Variants in CYB5R4 observed in about 807,000 individuals in gnomAD.
CYB5R4 encodes cytochrome b5 reductase 4.
A neutral mutation model predicts 70.2 loss-of-function variants in CYB5R4; 55 were observed. The ratio of observed to expected loss-of-function variants is 0.78; its 90% CI spans 0.63 to 0.98. The LOEUF (loss-of-function observed/expected upper bound fraction) is 0.98, where lower values mean the gene tolerates loss of function less well. Among genes scored for constraint, CYB5R4 ranks in the 50% least tolerant of loss-of-function variants. CYB5R4 has a pLI of 0.00. For missense variants in CYB5R4, 562 were observed against 612.6 expected (o/e 0.92, Z 0.87); for synonymous variants, 197 against 199.5 (o/e 0.99, Z 0.11).
At chr6:83,864,564 C>T (rs750428662) in intron 2 of CYB5R4, among the ~76,000 whole-genome samples, 2 of 152,076 alleles carry the variant, frequency 1.3e-5, no homozygotes, top group Non-Finnish European at 2.9e-5. Flanking sequence ...TTCTTGCTTC[C>T]TTGTACTGCA....
chr6:83,884,795 A>G (rs9444106), intron 2 of CYB5R4, among the ~76,000 whole-genome samples: 3,075 of 152,282 alleles, frequency 0.02, 94 homozygotes, highest in African/African-American at 0.07. Flanking sequence ...CAAGAATGCT[A>G]CAGTATACTG....
intron 2 of CYB5R4, 38 bp downstream of exon 2, chr6:83,864,366 C>T (rs1282630718): frequency 8.9e-6 from 14 of 1,564,700 alleles, no homozygotes; most frequent in Non-Finnish European, 1.2e-5. Flanking sequence ...AAAATGTTGC[C>T]TGAACTTTCC....
intron 1 of CYB5R4, among the ~76,000 whole-genome samples, chr6:83,863,858 TTA>T (rs1420814091): frequency 1.3e-5 from 2 of 152,214 alleles, no homozygotes; most frequent in African/African-American, 2.4e-5. Context: ...TGTTCATAGG[TTA>T]TATGTCAGTA....
intron 1 of CYB5R4, among the ~76,000 whole-genome samples, chr6:83,861,843 A>G (rs1273323313): frequency 6.6e-6 from 1 of 152,234 alleles, no homozygotes; most frequent in African/African-American, 2.4e-5. Flanking sequence ...GTTTAATATT[A>G]GAAGTATTTT....
At chr6:83,871,709 C>T (rs1294173813) in intron 2 of CYB5R4, among the ~76,000 whole-genome samples, 2 of 151,920 alleles carry the variant, frequency 1.3e-5, no homozygotes, top group African/African-American at 4.8e-5. Context: ...ACTTTTGTGT[C>T]AGTTTTAGTT....
chr6:83,921,915 T>C (rs1273844241), intron 8 of CYB5R4, among the ~76,000 whole-genome samples: 1 of 152,236 alleles, frequency 6.6e-6, no homozygotes, highest in Non-Finnish European at 1.5e-5. Context: ...AATGTTTCTG[T>C]CTTATTAACT....
intron 14 of CYB5R4, among the ~76,000 whole-genome samples, chr6:83,947,931 AT>A (rs966914130): frequency 7.9e-5 from 12 of 152,326 alleles, no homozygotes; most frequent in Admixed American, 4.6e-4. Context: ...AGGAGTGCAA[AT>A]TAGTTCAACC....
intron 2 of CYB5R4, among the ~76,000 whole-genome samples, chr6:83,889,469 G>A (rs2324480): frequency 0.15 from 23,456 of 152,032 alleles, 3,536 homozygotes; most frequent in African/African-American, 0.38. Context: ...TCTATAAATG[G>A]GACAACAAAG....
At chr6:83,908,988 A>G (rs2099464265) in intron 3 of CYB5R4, 21 bp from the exon 4 acceptor site, 2 of 1,606,464 alleles carry the variant, frequency 1.2e-6, no homozygotes, top group African/African-American at 1.3e-5. Context: ...TTGCTTTTCC[A>G]TCATTTGTTT....
Position 83,959,887 on chromosome 6 carries a change from T to A in CYB5R4, c.*9T>A, listed in dbSNP as rs1240660105. 1 of 1,590,724 alleles carries A rather than the reference T, an allele frequency of 6.3e-7. No homozygotes were observed. The highest frequency in any genetic ancestry group is 8.6e-7 in the Non-Finnish European group (1 of 1,169,208). ...ATAGTTTTACAGCATAATGAAGAGC[T>A]GTCATTGTCCTTTATTCAACTAGTT... On this transcript the variant is annotated 3_prime_UTR_variant, in exon 16 of 16. Transcript: ENST00000369681.
chr6:83,882,831 C>G (rs1308971587), intron 2 of CYB5R4, among the ~76,000 whole-genome samples: 2 of 151,798 alleles, frequency 1.3e-5, no homozygotes, highest in Non-Finnish European at 2.9e-5. Flanking sequence ...ACTAAAAATA[C>G]AAAAAATTAG....
At chr6:83,883,824 G>A (rs2099459831) in intron 2 of CYB5R4, among the ~76,000 whole-genome samples, 1 of 152,076 alleles carries the variant, frequency 6.6e-6, no homozygotes. Context: ...TGGAGTTAAA[G>A]GATAGGAGTT....
At chr6:83,860,536 T>C (rs1473812445) in intron 1 of CYB5R4, among the ~76,000 whole-genome samples, 1 of 152,222 alleles carries the variant, frequency 6.6e-6, no homozygotes, top group Non-Finnish European at 1.5e-5. Context: ...ATATATTTTA[T>C]ATTTGCAGAA....
Position 83,922,418 on chromosome 6 carries a change from A to T in CYB5R4, c.659-20A>T. Reference sequence around the variant, plus strand: ...ATGAATTGAAGTTCTATTTTAACTAAATAAATTTGTCTGTCCTAGGGCTAA... The same window carrying T: ...ATGAATTGAAGTTCTATTTTAACTATATAAATTTGTCTGTCCTAGGGCTAA... On this transcript the variant is annotated intron_variant, in intron 8 of 15. Transcript: ENST00000369681. 1.2e-6 allele frequency: 2 copies of T among 1,604,836 alleles called. No homozygotes were observed. Among genetic ancestry groups the T allele is most frequent in the East Asian group, 2.2e-5 (1 of 44,758 alleles).
intron 14 of CYB5R4, among the ~76,000 whole-genome samples, chr6:83,953,899 C>T (rs1270340778): frequency 6.6e-6 from 1 of 152,164 alleles, no homozygotes; most frequent in African/African-American, 2.4e-5. Flanking sequence ...TTTTGACAAG[C>T]TTACTTAGAT....
At chr6:83,869,362 T>C (rs2099457218) in intron 2 of CYB5R4, among the ~76,000 whole-genome samples, 1 of 152,242 alleles carries the variant, frequency 6.6e-6, no homozygotes, top group South Asian at 2.1e-4. Context: ...CAAGTTTACC[T>C]ACTTGCTAAA....
intron 9 of CYB5R4, 35 bp downstream of exon 9, chr6:83,922,505 G>A (rs372103885): frequency 5.4e-5 from 81 of 1,488,234 alleles, no homozygotes; most frequent in Admixed American, 2.2e-4. Context: ...ATGTATGTAC[G>A]TACATATACA....
At chr6:83,953,575 A>T (rs2099471861) in intron 14 of CYB5R4, among the ~76,000 whole-genome samples, 1 of 152,172 alleles carries the variant, frequency 6.6e-6, no homozygotes. Flanking sequence ...TTTTAAGCAA[A>T]AAAGTTGTAA....
intron 14 of CYB5R4, among the ~76,000 whole-genome samples, chr6:83,947,814 A>T (rs1013636678): frequency 6.6e-6 from 1 of 152,350 alleles, no homozygotes; most frequent in East Asian, 1.9e-4. Flanking sequence ...AGTCAAAACC[A>T]CAATGAGATA....
Sources: gnomAD v4.1 joint callset for allele counts (sites outside exome capture counted in the v4.1 genomes callset) on GRCh38, gnomAD v4.1.1 for gene constraint, MANE v1.5 for transcripts, NCBI Gene and HGNC (gene_info 2026-07-23, HGNC 2026-07-21) for gene names.